The following LRRC4C variants were observed in gnomAD, a reference collection of about 807,000 sequenced individuals.
LRRC4C encodes leucine-rich repeat-containing protein 4C.
In LRRC4C, 5 loss-of-function variants were observed where a neutral mutation model predicts 33.6. That is an observed-to-expected ratio of 0.15 (90% CI 0.08 to 0.31). The LOEUF (loss-of-function observed/expected upper bound fraction) is 0.31. Ranked by LOEUF, LRRC4C falls within the 10% of genes least tolerant of loss-of-function variation. The pLI, the probability that LRRC4C is intolerant of heterozygous loss-of-function variation, is 1.00. For synonymous variants in LRRC4C, 329 were observed against 302.0 expected, an observed-to-expected ratio of 1.09 and a Z score of -0.93; for missense variants, 560 against 796.7, an observed-to-expected ratio of 0.70 and a Z score of 3.58.
At chr11:41,293,243 TTGTC>T (rs1462587966) in intron 1 of LRRC4C, among the ~76,000 whole-genome samples, 1 of 152,156 alleles carries the variant, frequency 6.6e-6, no homozygotes, top group Non-Finnish European at 1.5e-5. Context: ...TTATTTGTAT[TTGTC>T]TTTGTTTTCA....
At chr11:41,100,403 T>A (rs1294992020) in intron 1 of LRRC4C, among the ~76,000 whole-genome samples, 1 of 151,760 alleles carries the variant, frequency 6.6e-6, no homozygotes, top group Non-Finnish European at 1.5e-5. Flanking sequence ...CTGTCTCTAC[T>A]AAAAATACAA....
intron 1 of LRRC4C, among the ~76,000 whole-genome samples, chr11:41,219,123 A>G (rs1947192749): frequency 6.6e-6 from 1 of 152,046 alleles, no homozygotes; most frequent in South Asian, 2.1e-4. Context: ...CATTTTTGAG[A>G]CTGGGGTGAG....
chr11:40,654,442 T>C (rs1942988832), intron 2 of LRRC4C, among the ~76,000 whole-genome samples: 1 of 152,194 alleles, frequency 6.6e-6, no homozygotes, highest in Non-Finnish European at 1.5e-5. Context: ...AAGGAGCTCA[T>C]TTTGGAAGTT....
intron 2 of LRRC4C, among the ~76,000 whole-genome samples, chr11:40,718,566 T>C (rs994545850): frequency 8.5e-5 from 13 of 152,222 alleles, no homozygotes; most frequent in Non-Finnish European, 1.8e-4. Flanking sequence ...CTGCCAGTTA[T>C]GTATTTCTAA....
chr11:40,894,672 C>T (rs1200097251), intron 2 of LRRC4C, among the ~76,000 whole-genome samples: 2 of 152,110 alleles, frequency 1.3e-5, no homozygotes, highest in Non-Finnish European at 2.9e-5. Context: ...TTCAAGCTCT[C>T]CACCCAACAA....
chr11:40,401,129 A>T (rs2137544059), intron 3 of LRRC4C, among the ~76,000 whole-genome samples: 1 of 152,148 alleles, frequency 6.6e-6, no homozygotes. Context: ...CTAGCACAGA[A>T]AGCAGCACAC....
At chr11:40,644,136 T>C (rs530583353) in intron 3 of LRRC4C, among the ~76,000 whole-genome samples, 1 of 152,200 alleles carries the variant, frequency 6.6e-6, no homozygotes, top group East Asian at 1.9e-4. Context: ...AACTAATAAA[T>C]AAAACTATAA....
At chr11:40,683,553 T>G (rs1027132828) in intron 2 of LRRC4C, among the ~76,000 whole-genome samples, 1 of 152,040 alleles carries the variant, frequency 6.6e-6, no homozygotes, top group Non-Finnish European at 1.5e-5. Context: ...AAAGTGAAAT[T>G]CCTAGGTGAC....
chr11:40,433,333 T>C (rs1208192360), intron 3 of LRRC4C, among the ~76,000 whole-genome samples: 3 of 145,754 alleles, frequency 2.1e-5, no homozygotes, highest in African/African-American at 8.5e-5. Flanking sequence ...ATAGGAAACA[T>C]TGCTTGGATA....
chr11:40,920,551 C>T (rs1330133345), intron 2 of LRRC4C, among the ~76,000 whole-genome samples: 1 of 152,026 alleles, frequency 6.6e-6, no homozygotes, highest in Admixed American at 6.6e-5. Context: ...ATTTTTGTAG[C>T]TAGGAAAGCA....
rs562545669 is a variant in LRRC4C, at chr11:41,171,773, C to T, written c.-495-238050G>A. ...CAGATGAAATTGCAAAATAATATTC[C>T]TTACCAAGATTTAGATTGGTGGGTT... On this transcript the variant is annotated intron_variant, in intron 1 of 6. Coordinates refer to ENST00000528697, the MANE Select transcript of LRRC4C (RefSeq NM_001258419.2). Among the ~76,000 whole-genome samples the T allele has an allele frequency of 1.1e-4, 16 of 151,898 alleles. No homozygotes were observed. In the East Asian group the frequency reaches 2.5e-3, roughly 24 times the overall value.
chr11:40,443,275 T>G (rs1951475418), intron 3 of LRRC4C, among the ~76,000 whole-genome samples: 1 of 152,200 alleles, frequency 6.6e-6, no homozygotes, highest in South Asian at 2.1e-4. Context: ...ACAACTGTGA[T>G]GACAAACAAG....
intron 1 of LRRC4C, among the ~76,000 whole-genome samples, chr11:41,281,069 T>TCTCTCTCTCTCG (rs1949651406): frequency 7.3e-6 from 1 of 136,888 alleles, no homozygotes; most frequent in African/African-American, 2.8e-5. Context: ...TCTCTCTCTC[T>TCTCTCTCTCTCG]CTCTCTGTCC....
Position 41,300,685 on chromosome 11 carries a change from C to G in LRRC4C, c.-496+158746G>C, listed in dbSNP as rs576422379. On this transcript the variant is annotated intron_variant, in intron 1 of 6. Coordinates refer to ENST00000528697, the MANE Select transcript of LRRC4C (RefSeq NM_001258419.2). ...CCTTTTATGTTCTCCTGACACCTTC[C>G]TCTACCTTGACATCCCCAGCTATCC... is the stretch of plus-strand genomic sequence containing the variant. Among the ~76,000 whole-genome samples, 5 of 152,292 alleles carry G rather than the reference C, an allele frequency of 3.3e-5. No homozygotes were observed. In the South Asian group the frequency reaches 1.0e-3, roughly 32 times the overall value.
At chr11:40,774,911 G>A (rs1394447597) in intron 2 of LRRC4C, among the ~76,000 whole-genome samples, 1 of 151,896 alleles carries the variant, frequency 6.6e-6, no homozygotes, top group Admixed American at 6.6e-5. Flanking sequence ...TCTTGCAAGT[G>A]CACAAATAAT....
At chr11:40,204,111 G>C (rs1425290356) in intron 5 of LRRC4C, among the ~76,000 whole-genome samples, 1 of 151,882 alleles carries the variant, frequency 6.6e-6, no homozygotes, top group Non-Finnish European at 1.5e-5. Context: ...GATGGGTGGT[G>C]GGGGGCGGTC....
At chr11:40,230,160 A>G (rs1865099424) in intron 5 of LRRC4C, among the ~76,000 whole-genome samples, 1 of 152,240 alleles carries the variant, frequency 6.6e-6, no homozygotes, top group Non-Finnish European at 1.5e-5. Flanking sequence ...CAAATGCTCA[A>G]TGTGGAGATA....
chr11:41,234,595 G>A (rs983084484), intron 1 of LRRC4C, among the ~76,000 whole-genome samples: 6 of 151,990 alleles, frequency 3.9e-5, no homozygotes, highest in African/African-American at 1.4e-4. Context: ...TAATATCCAT[G>A]CTTGATTTGG....
chr11:40,752,322 G>T (rs776232305), intron 2 of LRRC4C, among the ~76,000 whole-genome samples: 1 of 151,956 alleles, frequency 6.6e-6, no homozygotes, highest in East Asian at 1.9e-4. Flanking sequence ...CCTACAGAAT[G>T]GAAGAAAATA....
Sources: allele counts gnomAD v4.1 joint callset (sites outside exome capture counted in the v4.1 genomes callset), GRCh38; gene constraint gnomAD v4.1.1; transcripts MANE v1.5; gene names NCBI Gene and HGNC (gene_info 2026-07-23, HGNC 2026-07-21).